The following CASD1 variants were observed in gnomAD, a reference collection of about 807,000 sequenced individuals.
The protein encoded by CASD1 is N-acetylneuraminate (7)9-O-acetyltransferase.
In CASD1, 41 loss-of-function variants were observed where a neutral mutation model predicts 100.0. That is an observed-to-expected ratio of 0.41 (90% confidence interval 0.32 to 0.53). The LOEUF (loss-of-function observed/expected upper bound fraction) is 0.53. Ranked by LOEUF, CASD1 falls within the 20% of genes least tolerant of loss-of-function variation. CASD1 has a pLI of 0.25. For missense variants in CASD1, 774 were observed against 948.7 expected, an observed-to-expected ratio of 0.82 and a Z score of 2.42; for synonymous variants, 321 against 315.6, an observed-to-expected ratio of 1.02 and a Z score of -0.18.
chr7:94,599,635 T>C, the CASD1 span: 24 of 1,304,964 alleles, frequency 1.8e-5, no homozygotes, highest in Admixed American at 2.5e-4. Context: ...GTATGGAGCA[T>C]GATGGGCAAC....
chr7:94,618,646 TTTC>T, the CASD1 span: 2 of 845,294 alleles, frequency 2.4e-6, no homozygotes, highest in Non-Finnish European at 3.8e-6. Context: ...ACAATATCTA[TTTC>T]TTATTAAAAC....
the CASD1 span, among the ~76,000 whole-genome samples, chr7:94,605,809 A>G: frequency 0.012 from 1,879 of 152,194 alleles, 43 homozygotes; most frequent in African/African-American, 0.043. Context: ...AGTAACAAAT[A>G]TAGTAGATTT....
At chr7:94,553,691 T>C (rs1363765221) in intron 16 of CASD1, among the ~76,000 whole-genome samples, 5 of 152,082 alleles carry the variant, frequency 3.3e-5, no homozygotes, top group South Asian at 2.1e-4. Flanking sequence ...GATTCTTTGC[T>C]TGGTAAGCTG....
At chr7:94,547,800 T>G (rs1795751815) in intron 13 of CASD1, among the ~76,000 whole-genome samples, 1 of 151,814 alleles carries the variant, frequency 6.6e-6, no homozygotes, top group Admixed American at 6.6e-5. Flanking sequence ...TAACAACACA[T>G]TTTAATTCAA....
chr7:94,625,578 TTGC>T, the CASD1 span: 1 of 152,152 alleles, frequency 6.6e-6, no homozygotes, highest in Non-Finnish European at 1.5e-5. Flanking sequence ...TTTATTATAA[TTGC>T]ATGAATGCTT....
intron 11 of CASD1, 114 bp from the exon 12 acceptor site, chr7:94,545,431 A>G: frequency 3.0e-6 from 2 of 673,802 alleles, no homozygotes; most frequent in Admixed American, 2.5e-5. Context: ...TACAGTCATT[A>G]TTGAGTCTTA....
At position 94,535,354 on chromosome 7, in the gene CASD1, C is replaced by T; in HGVS notation, c.674C>T (p.Thr225Ile). 2 of 1,613,442 alleles carry T rather than the reference C, an allele frequency of 1.2e-6. No homozygotes were observed. Among genetic ancestry groups the T allele is most frequent in the Non-Finnish European group, 1.7e-6 (2 of 1,179,658 alleles). Reference sequence around the variant, plus strand: ...TTAAGTGAAAATAGGAAGATGATCACTAATGAGAAGATAGATGCTTACAAT... The same window carrying T: ...TTAAGTGAAAATAGGAAGATGATCATTAATGAGAAGATAGATGCTTACAAT... ...DLLSENRKMI[T>I]NEKIDAYNEA... Residue 225 changes from threonine (T) to isoleucine (I), a missense_variant, in exon 8 of 18, where the codon ACT becomes ATT. By Grantham distance (89) the Thr-to-Ile change is moderately conservative (BLOSUM62 -1). This residue lies in a region of CASD1 where 453 missense variants were observed against 532.6 expected (regional missense o/e 0.85). Transcript: ENST00000297273.
At chr7:94,614,107 C>CAA in the CASD1 span, among the ~76,000 whole-genome samples, 1,536 of 94,396 alleles carry the variant, frequency 0.016, 19 homozygotes, top group African/African-American at 0.039. Context: ...AAATTGAAAT[C>CAA]AAAAAAAAAA....
rs931238931 is a variant in CASD1, at chr7:94,528,797, A to G, written c.459+547A>G. Reference sequence around the variant, plus strand: ...TAAGTTCTCACAAGTCCATTTTACAATCTCTGTAGTAGTTTCCATACAGTC... The same window carrying G: ...TAAGTTCTCACAAGTCCATTTTACAGTCTCTGTAGTAGTTTCCATACAGTC... On this transcript the variant is annotated intron_variant, in intron 5 of 17. Transcript: ENST00000297273. Among the ~76,000 whole-genome samples, 7 of 152,122 alleles carry G rather than the reference A, an allele frequency of 4.6e-5. No individual in the cohort carries two copies. In the South Asian group the frequency reaches 8.3e-4, roughly 18 times the overall value.
At chr7:94,603,331 A>AT in the CASD1 span, 1 of 1,612,818 alleles carries the variant, frequency 6.2e-7, no homozygotes, top group Non-Finnish European at 8.5e-7. Flanking sequence ...TGAGTACGAA[A>AT]TTTTTTATCA....
chr7:94,608,361 T>C, the CASD1 span, among the ~76,000 whole-genome samples: 1 of 152,068 alleles, frequency 6.6e-6, no homozygotes, highest in African/African-American at 2.4e-5. Context: ...AATATAAGTC[T>C]AATAAAATAG....
chr7:94,591,426 T>C, the CASD1 span, among the ~76,000 whole-genome samples: 1 of 152,154 alleles, frequency 6.6e-6, no homozygotes, highest in Admixed American at 6.6e-5. Flanking sequence ...TTACCATCTC[T>C]AGCTCTACCT....
At chr7:94,596,114 A>G in the CASD1 span, among the ~76,000 whole-genome samples, 1 of 152,130 alleles carries the variant, frequency 6.6e-6, no homozygotes, top group Non-Finnish European at 1.5e-5. Context: ...TGCAAGTTCA[A>G]TATAATAGCC....
rs749162797 is a variant in CASD1, at chr7:94,518,267, T to C, written c.295T>C (p.Leu99=). The change falls in exon 3 of 18, where the codon TTG becomes CTG. Residue 99 remains leucine, a synonymous_variant. Transcript: ENST00000297273. Reference sequence around the variant, plus strand: ...TATTGGAGATTCCAGAATTCGTCAATTGTTTTATTCTTTTGTAAAAATAAT... The same window carrying C: ...TATTGGAGATTCCAGAATTCGTCAACTGTTTTATTCTTTTGTAAAAATAAT... ...AFIGDSRIRQ[L]FYSFVKIINP... The C allele has an allele frequency of 6.3e-6, 10 of 1,581,934 alleles. No individual in the cohort carries two copies. The African/African-American group carries it at 8.2e-5, about 13-fold the overall frequency.
the CASD1 span, among the ~76,000 whole-genome samples, chr7:94,580,419 T>C: frequency 3.7e-4 from 57 of 152,286 alleles, 1 homozygote; most frequent in East Asian, 0.011. Context: ...ATAATGCTCT[T>C]CTATCTGCCT....
downstream of CASD1, among the ~76,000 whole-genome samples, chr7:94,559,755 A>G (rs1425731901): frequency 6.6e-6 from 1 of 152,032 alleles, no homozygotes; most frequent in African/African-American, 2.4e-5. Flanking sequence ...CGAATTCCTG[A>G]CCTCAGGTGA....
chr7:94,558,526 G>T (rs1796281121), downstream of CASD1, among the ~76,000 whole-genome samples: 1 of 152,100 alleles, frequency 6.6e-6, no homozygotes, highest in South Asian at 2.1e-4. Flanking sequence ...TGACAATTTT[G>T]GTTGGCAGTT....
chr7:94,604,854 T>TAA, the CASD1 span, among the ~76,000 whole-genome samples: 2 of 75,660 alleles, frequency 2.6e-5, no homozygotes, highest in African/African-American at 5.0e-5. Flanking sequence ...TATATATATA[T>TAA]ATATAATAGT....
At chr7:94,626,664 C>A in the CASD1 span, 1 of 151,826 alleles carries the variant, frequency 6.6e-6, no homozygotes, top group Non-Finnish European at 1.5e-5. Flanking sequence ...CTTTTTAAAT[C>A]CTTAGGGATT....
Sources: gnomAD v4.1 joint callset for allele counts (sites outside exome capture counted in the v4.1 genomes callset) on GRCh38, gnomAD v4.1.1 for gene constraint, gnomAD v4.1.1 regional missense constraint, MANE v1.5 for transcripts, NCBI Gene and HGNC (gene_info 2026-07-23, HGNC 2026-07-21) for gene names.